THSD7B: variants seen among roughly 807,000 people sequenced by gnomAD.
The protein encoded by THSD7B is thrombospondin type 1 domain containing 7B, also known as thrombospondin type-1 domain-containing protein 7B.
THSD7B carries 138 observed loss-of-function variants against 213.6 expected under a neutral mutation model. That is an observed-to-expected ratio of 0.65 (90% CI 0.56 to 0.74). The LOEUF (loss-of-function observed/expected upper bound fraction) is 0.74. Among genes scored for constraint, THSD7B ranks in the 30% least tolerant of loss-of-function variants. THSD7B has a pLI of 0.00. For missense variants in THSD7B, 1,931 were observed against 1,991.5 expected (o/e 0.97, Z 0.58); for synonymous variants, 742 against 687.0 (o/e 1.08, Z -1.25).
At chr2:136,912,915 T>G (rs1257102415) in intron 2 of THSD7B, among the ~76,000 whole-genome samples, 1 of 151,848 alleles carries the variant, frequency 6.6e-6, no homozygotes, top group Non-Finnish European at 1.5e-5. Flanking sequence ...ACCAGTAGAG[T>G]GGGGCGTTGC....
At chr2:136,996,056 C>A (rs548592538) in intron 2 of THSD7B, among the ~76,000 whole-genome samples, 7 of 152,134 alleles carry the variant, frequency 4.6e-5, no homozygotes, top group Non-Finnish European at 1.0e-4. Context: ...CTTTGAAGAG[C>A]AACATATAAT....
intron 2 of THSD7B, among the ~76,000 whole-genome samples, chr2:136,989,427 C>T (rs1469628520): frequency 6.6e-6 from 1 of 151,384 alleles, no homozygotes; most frequent in Admixed American, 6.6e-5. Flanking sequence ...TGACTTCTCT[C>T]TTGCTTGTTC....
chr2:136,889,114 T>C (rs1249890069), intron 2 of THSD7B, among the ~76,000 whole-genome samples: 3 of 152,258 alleles, frequency 2.0e-5, no homozygotes, highest in East Asian at 3.9e-4. Flanking sequence ...AATCAGTAAA[T>C]GTGAAAATGT....
intron 9 of THSD7B, among the ~76,000 whole-genome samples, chr2:137,233,598 G>A (rs1681693156): frequency 6.6e-6 from 1 of 152,100 alleles, no homozygotes; most frequent in African/African-American, 2.4e-5. Flanking sequence ...ATGAATCCAT[G>A]CCCTCCAGAA....
At chr2:137,202,674 G>C (rs1321688260) in intron 7 of THSD7B, among the ~76,000 whole-genome samples, 1 of 152,164 alleles carries the variant, frequency 6.6e-6, no homozygotes, top group Non-Finnish European at 1.5e-5. Flanking sequence ...TAAATACAGG[G>C]TTATGTAGGG....
chr2:137,546,438 T>TATATTAA (rs1680728475), intron 15 of THSD7B, among the ~76,000 whole-genome samples: 1 of 24,878 alleles, frequency 4.0e-5, no homozygotes, highest in African/African-American at 2.3e-4. Flanking sequence ...ATATATATTA[T>TATATTAA]ATATATTATA....
intron 2 of THSD7B, among the ~76,000 whole-genome samples, chr2:137,054,851 T>A (rs1218464321): frequency 1.3e-5 from 2 of 152,076 alleles, no homozygotes; most frequent in Admixed American, 1.3e-4. Flanking sequence ...GCCATGGTGG[T>A]TTGCTGCACC....
intron 7 of THSD7B, among the ~76,000 whole-genome samples, chr2:137,222,221 T>C (rs1681386824): frequency 8.8e-6 from 1 of 113,160 alleles, no homozygotes; most frequent in African/African-American, 3.7e-5. Context: ...ATCAGAAATG[T>C]TAGTACTGCC....
At chr2:137,603,228 A>G (rs1682108658) in intron 17 of THSD7B, among the ~76,000 whole-genome samples, 1 of 152,216 alleles carries the variant, frequency 6.6e-6, no homozygotes, top group Admixed American at 6.5e-5. Context: ...AGTGCTTTCA[A>G]GCTTATCTCA....
At chr2:136,820,866 C>T (rs1288540289) in intron 1 of THSD7B, among the ~76,000 whole-genome samples, 1 of 151,930 alleles carries the variant, frequency 6.6e-6, no homozygotes, top group Non-Finnish European at 1.5e-5. Context: ...TCTGTATCTA[C>T]TTGAGAGAGG....
chr2:136,891,764 C>T (rs1463514913), intron 2 of THSD7B, among the ~76,000 whole-genome samples: 1 of 152,220 alleles, frequency 6.6e-6, no homozygotes, highest in African/African-American at 2.4e-5. Flanking sequence ...ACAAGTGACA[C>T]AGCAGTTCCA....
chr2:137,047,185 G>A (rs5006938), intron 2 of THSD7B, among the ~76,000 whole-genome samples: 14,171 of 152,196 alleles, frequency 0.093, 820 homozygotes, highest in East Asian at 0.22. Context: ...AATGGTCTGC[G>A]CCAAGGTTGC....
intron 7 of THSD7B, among the ~76,000 whole-genome samples, chr2:137,184,691 C>G (rs1343125316): frequency 6.6e-6 from 1 of 152,086 alleles, no homozygotes; most frequent in East Asian, 1.9e-4. Flanking sequence ...ATATCTATAT[C>G]TAGCTGCTTC....
intron 5 of THSD7B, among the ~76,000 whole-genome samples, chr2:137,115,745 T>C (rs1217193389): frequency 1.3e-5 from 2 of 152,218 alleles, no homozygotes; most frequent in Non-Finnish European, 2.9e-5. Context: ...GTTTTAATTT[T>C]TCTGAAGAAA....
intron 4 of THSD7B, among the ~76,000 whole-genome samples, chr2:137,111,833 G>A (rs187401081): frequency 4.6e-5 from 7 of 152,266 alleles, no homozygotes; most frequent in African/African-American, 1.7e-4. Flanking sequence ...TCTACTTGAG[G>A]CATTTCCATA....
intron 2 of THSD7B, among the ~76,000 whole-genome samples, chr2:137,021,417 T>C (rs1686443708): frequency 6.6e-6 from 1 of 152,222 alleles, no homozygotes; most frequent in Non-Finnish European, 1.5e-5. Flanking sequence ...CTGAACAGTG[T>C]GCATTAAGTT....
At chr2:137,607,199 T>C (rs1682199364) in intron 17 of THSD7B, among the ~76,000 whole-genome samples, 1 of 146,818 alleles carries the variant, frequency 6.8e-6, no homozygotes, top group South Asian at 2.3e-4. Context: ...ATTTCTCTCA[T>C]TGAAAAAATT....
At chr2:137,203,102 T>C (rs1322812623) in intron 7 of THSD7B, among the ~76,000 whole-genome samples, 2 of 152,116 alleles carry the variant, frequency 1.3e-5, no homozygotes, top group Admixed American at 6.6e-5. Context: ...GTTGATATTT[T>C]TCAAGCTATT....
chr2:137,399,215 A>C (rs199811618), intron 12 of THSD7B, among the ~76,000 whole-genome samples: 2 of 22,298 alleles, frequency 9.0e-5, no homozygotes. Context: ...TTTTTTAAAC[A>C]CAAGTCTTGC....
Sources: gnomAD v4.1 joint callset for allele counts (sites outside exome capture counted in the v4.1 genomes callset) on GRCh38, gnomAD v4.1.1 for gene constraint, MANE v1.5 for transcripts, NCBI Gene and HGNC (gene_info 2026-07-23, HGNC 2026-07-21) for gene names.